The following CYP27C1 variants were observed in gnomAD, a reference collection of about 807,000 sequenced individuals.
CYP27C1 encodes the protein cytochrome P450 27C1.
A neutral mutation model predicts 40.6 loss-of-function variants in CYP27C1; 29 were observed. The ratio of observed to expected loss-of-function variants is 0.71; its 90% confidence interval spans 0.53 to 0.97. The LOEUF is 0.97. Ranked by LOEUF, CYP27C1 falls within the 50% of genes least tolerant of loss-of-function variation. The pLI, the probability that CYP27C1 is intolerant of heterozygous loss-of-function variation, is 0.00. For synonymous variants in CYP27C1, 198 were observed against 186.8 expected (o/e 1.06, Z -0.49); for missense variants, 390 against 485.8 (o/e 0.80, Z 1.85).
chr2:127,189,170 C>T (rs1049485228), intron 8 of CYP27C1, among the ~76,000 whole-genome samples: 2 of 3,098 alleles, frequency 6.5e-4, no homozygotes, highest in African/African-American at 1.2e-3. Context: ...AAAACACTGC[C>T]CCCCCCCTCC....
At chr2:127,212,186 A>G (rs139551231) in intron 1 of CYP27C1, among the ~76,000 whole-genome samples, 2,156 of 152,316 alleles carry the variant, frequency 0.014, 46 homozygotes, top group African/African-American at 0.048. Flanking sequence ...ATAGTCTACC[A>G]ACCAAAAAAA....
At chr2:127,213,786 C>T (rs1379024601) in intron 1 of CYP27C1, among the ~76,000 whole-genome samples, 2 of 152,106 alleles carry the variant, frequency 1.3e-5, no homozygotes, top group African/African-American at 4.8e-5. Flanking sequence ...ACACCAAAAG[C>T]AATTGCAACA....
chr2:127,204,320 A>AGGGAG (rs1683110743), intron 2 of CYP27C1, among the ~76,000 whole-genome samples: 1 of 41,958 alleles, frequency 2.4e-5, no homozygotes, highest in Non-Finnish European at 3.9e-5. Flanking sequence ...GAAGGAAGGA[A>AGGGAG]GGAGGGAGGG....
intron 8 of CYP27C1, among the ~76,000 whole-genome samples, chr2:127,190,902 C>T (rs1182051264): frequency 7.2e-5 from 10 of 138,200 alleles, no homozygotes; most frequent in Admixed American, 3.0e-4. Context: ...CCCGAGATTG[C>T]GCCACTGCAC....
At chr2:127,204,598 A>AAGCAAGCAAGC (rs1558931503) in intron 2 of CYP27C1, among the ~76,000 whole-genome samples, 2 of 98,204 alleles carry the variant, frequency 2.0e-5, no homozygotes, top group African/African-American at 8.8e-5. Flanking sequence ...AGAAAGAAAG[A>AAGCAAGCAAGC]AAGAAAGAAA....
At chr2:127,207,265 C>CGAG (rs1468940178) in intron 1 of CYP27C1, among the ~76,000 whole-genome samples, 1 of 152,062 alleles carries the variant, frequency 6.6e-6, no homozygotes, top group Non-Finnish European at 1.5e-5. Context: ...GAGGCCAAGG[C>CGAG]GAGGGGATCA....
chr2:127,211,373 T>G (rs1358611532), intron 1 of CYP27C1, among the ~76,000 whole-genome samples: 17 of 86,668 alleles, frequency 2.0e-4, no homozygotes, highest in African/African-American at 6.7e-4. Flanking sequence ...TTTTTTGTTT[T>G]TTTTTTTTTT....
Position 127,219,082 on chromosome 2 carries a change from C to A in CYP27C1, c.282+907G>T, listed in dbSNP as rs180803585. On this transcript the variant is annotated intron_variant, in intron 1 of 8. Transcript: ENST00000664447. The surrounding 1 kb of genome is among the most constrained non-coding windows in gnomAD (Gnocchi z 8.7). ...GCCCCCAACTCCGGCTTAGAGCCTA[C>A]GGCACCCCGAGCCTCCGAGCCTCCG... 2.0e-5 allele frequency among the ~76,000 whole-genome samples: 3 copies of A among 152,234 alleles called. No individual in the cohort carries two copies. Among genetic ancestry groups the A allele is most frequent in the Admixed American group, 2.0e-4 (3 of 15,300 alleles).
chr2:127,199,838 T>C (rs952052828), intron 4 of CYP27C1, among the ~76,000 whole-genome samples: 3 of 152,226 alleles, frequency 2.0e-5, no homozygotes, highest in Admixed American at 2.0e-4. Flanking sequence ...ATAATATGAG[T>C]AACAAAATGC....
At chr2:127,206,700 G>A (rs1683235630) in intron 1 of CYP27C1, among the ~76,000 whole-genome samples, 1 of 152,200 alleles carries the variant, frequency 6.6e-6, no homozygotes, top group Non-Finnish European at 1.5e-5. Flanking sequence ...AGAGCAAACA[G>A]AGCCCTGTCT....
intron 2 of CYP27C1, among the ~76,000 whole-genome samples, chr2:127,204,589 G>GAA (rs1210028013): frequency 1.1e-5 from 1 of 94,698 alleles, no homozygotes; most frequent in East Asian, 3.7e-4. Context: ...AAGAAAGAAA[G>GAA]AAAGAAAGAA....
intron 1 of CYP27C1, among the ~76,000 whole-genome samples, chr2:127,207,590 A>C (rs1175477171): frequency 6.6e-6 from 1 of 152,128 alleles, no homozygotes; most frequent in African/African-American, 2.4e-5. Flanking sequence ...GGATCACGTG[A>C]GCTCAGGAGG....
chr2:127,193,711 G>A (rs1317088091), intron 7 of CYP27C1, 78 bp downstream of exon 7: 3 of 1,498,134 alleles, frequency 2.0e-6, no homozygotes, highest in Non-Finnish European at 2.8e-6. Flanking sequence ...TAGGGACAAA[G>A]ACTTCCTGAA....
At chr2:127,207,408 C>T (rs527848363) in intron 1 of CYP27C1, among the ~76,000 whole-genome samples, 7 of 152,172 alleles carry the variant, frequency 4.6e-5, no homozygotes, top group African/African-American at 1.4e-4. Flanking sequence ...GCAGTAGAAT[C>T]GCTTGAACCC....
In CYP27C1 at chr2:127,193,222, C is replaced by G. The variant is rs771011670; in HGVS notation, c.1369G>C (p.Glu457Gln). The change falls in exon 8 of 9, where the codon GAG (glutamate) becomes CAG (glutamine). Residue 457 changes from glutamate (E) to glutamine (Q), a missense_variant. By Grantham distance (29) the Glu-to-Gln change is conservative. Coordinates refer to ENST00000664447, the MANE Select transcript of CYP27C1 (RefSeq NM_001367502.1). ...NFPRAKEFRP[E>Q]RWLRKGDLDR... ...AAGTCTCCTTTCCGCAGCCAGCGCT[C>G]AGGCCGGAACTCCTTGGCCCGAGGG... 9 of 1,614,094 alleles carry G rather than the reference C, an allele frequency of 5.6e-6. 1 individual carries two copies. In the South Asian group the frequency reaches 9.9e-5, roughly 18 times the overall value.
At chr2:127,214,801 GT>G (rs70985439) in intron 1 of CYP27C1, among the ~76,000 whole-genome samples, 24,480 of 116,990 alleles carry the variant, frequency 0.21, 2,627 homozygotes, top group South Asian at 0.33. Context: ...TTTTTTTTTG[GT>G]TTTTTTTTTT....
chr2:127,212,685 T>A (rs901741524), intron 1 of CYP27C1, among the ~76,000 whole-genome samples: 2 of 152,190 alleles, frequency 1.3e-5, no homozygotes, highest in Non-Finnish European at 2.9e-5. Context: ...TAAGAGCTAT[T>A]TATGATAAAC....
chr2:127,204,537 G>GAA (rs1465217266), intron 2 of CYP27C1, among the ~76,000 whole-genome samples: 1,220 of 31,462 alleles, frequency 0.039, 115 homozygotes, highest in African/African-American at 0.095. Flanking sequence ...AAGAAAGAAA[G>GAA]AGAGAGAGAG....
chr2:127,194,842 CTTTT>C (rs762311494), intron 6 of CYP27C1, among the ~76,000 whole-genome samples: 5 of 139,680 alleles, frequency 3.6e-5, no homozygotes, highest in Non-Finnish European at 6.2e-5. Context: ...GATCTTTTTT[CTTTT>C]TTTTTTTTTT....
Sources: gnomAD v4.1 joint callset for allele counts (sites outside exome capture counted in the v4.1 genomes callset) on GRCh38, gnomAD v4.1.1 for gene constraint, Gnocchi (gnomAD v3.1) non-coding constraint, MANE v1.5 for transcripts, NCBI Gene and HGNC (gene_info 2026-07-23, HGNC 2026-07-21) for gene names.